Variants in CATSPERE observed in about 807,000 individuals in gnomAD.
CATSPERE encodes catsper channel auxiliary subunit epsilon.
Under a neutral mutation model 114.1 loss-of-function variants are expected in CATSPERE, and 93 were observed. The observed-to-expected ratio is 0.81, with a 90% confidence interval of 0.69 to 0.97. The LOEUF is 0.97. CATSPERE is among the 50% of genes least tolerant of loss of function. The probability of loss-of-function intolerance (pLI) is 0.00; values close to 1 mark genes in which losing one functional copy is unlikely to be tolerated. For synonymous variants in CATSPERE, 341 were observed against 384.1 expected (o/e 0.89, Z 1.31); for missense variants, 1,058 against 1,131.6 (o/e 0.93, Z 0.93).
At chr1:244,612,027 G>A (rs1432884485) in intron 19 of CATSPERE, among the ~76,000 whole-genome samples, 1 of 152,164 alleles carries the variant, frequency 6.6e-6, no homozygotes, top group Non-Finnish European at 1.5e-5. Flanking sequence ...ATGCTGATCT[G>A]GGGACTGCGT....
At chr1:244,534,575 A>G (rs1680091423) in intron 8 of CATSPERE, among the ~76,000 whole-genome samples, 1 of 152,004 alleles carries the variant, frequency 6.6e-6, no homozygotes, top group Admixed American at 6.6e-5. Context: ...ATTCTTCATT[A>G]TGTCGATTGC....
intron 19 of CATSPERE, among the ~76,000 whole-genome samples, chr1:244,612,898 A>G (rs1670923239): frequency 6.6e-6 from 1 of 152,170 alleles, no homozygotes; most frequent in East Asian, 1.9e-4. Context: ...GGGAGAAGAA[A>G]CAATAATGGC....
At chr1:244,462,053 G>A (rs1666905363) in intron 1 of CATSPERE, among the ~76,000 whole-genome samples, 1 of 152,142 alleles carries the variant, frequency 6.6e-6, no homozygotes, top group African/African-American at 2.4e-5. Context: ...CTGGCCTTAA[G>A]TGATCCTCCT....
At chr1:244,535,515 CGGAGTCTT>C (rs1680258815) in intron 8 of CATSPERE, among the ~76,000 whole-genome samples, 1 of 152,024 alleles carries the variant, frequency 6.6e-6, no homozygotes, top group Admixed American at 6.6e-5. Flanking sequence ...TCACAGACAG[CGGAGTCTT>C]TCCCTGTGGC....
chr1:244,540,234 G>A (rs1450857518), intron 8 of CATSPERE, among the ~76,000 whole-genome samples: 3 of 150,960 alleles, frequency 2.0e-5, no homozygotes, highest in Non-Finnish European at 4.4e-5. Flanking sequence ...GTTTGCAGAC[G>A]ACATGATTGT....
At chr1:244,539,218 C>G (rs1680841502) in intron 8 of CATSPERE, among the ~76,000 whole-genome samples, 1 of 151,000 alleles carries the variant, frequency 6.6e-6, no homozygotes, top group Non-Finnish European at 1.5e-5. Context: ...TTTTCTGCAT[C>G]TATTGAGATA....
At chr1:244,558,493 C>G (rs1042441602) in intron 9 of CATSPERE, among the ~76,000 whole-genome samples, 1 of 152,046 alleles carries the variant, frequency 6.6e-6, no homozygotes, top group African/African-American at 2.4e-5. Context: ...TGTTGCCCAT[C>G]TTTTCCACTG....
At chr1:244,580,772 A>C (rs1666044997) in intron 11 of CATSPERE, among the ~76,000 whole-genome samples, 2 of 152,072 alleles carry the variant, frequency 1.3e-5, no homozygotes, top group South Asian at 4.1e-4. Context: ...AGGCCGAGGC[A>C]GGTGGATCGC....
At chr1:244,527,350 T>C (rs1326902363) in intron 8 of CATSPERE, among the ~76,000 whole-genome samples, 1 of 152,206 alleles carries the variant, frequency 6.6e-6, no homozygotes, top group East Asian at 1.9e-4. Context: ...AGAAAAAGAA[T>C]TCAGCGATAT....
intron 8 of CATSPERE, among the ~76,000 whole-genome samples, chr1:244,523,716 A>G (rs1300379973): frequency 1.2e-4 from 17 of 136,392 alleles, no homozygotes; most frequent in Non-Finnish European, 1.8e-4. Flanking sequence ...GAGCCAAATC[A>G]TGAGTGAACT....
chr1:244,615,258 G>T (rs916113086), intron 19 of CATSPERE, among the ~76,000 whole-genome samples: 1 of 131,514 alleles, frequency 7.6e-6, no homozygotes. Flanking sequence ...AAAAAAAAAA[G>T]ACAAATATCC....
intron 20 of CATSPERE, among the ~76,000 whole-genome samples, chr1:244,632,532 T>C (rs550194624): frequency 2.3e-4 from 35 of 152,074 alleles, no homozygotes; most frequent in African/African-American, 8.2e-4. Context: ...TGTTTTAAGA[T>C]TCTTATACTT....
chr1:244,510,899 A>C (rs1289054963), intron 7 of CATSPERE, among the ~76,000 whole-genome samples: 9 of 128,866 alleles, frequency 7.0e-5, no homozygotes, highest in African/African-American at 2.7e-4. Flanking sequence ...GCTGGAGTGC[A>C]ATGGCACCAT....
At chr1:244,537,625 G>T (rs1680567508) in intron 8 of CATSPERE, among the ~76,000 whole-genome samples, 1 of 152,124 alleles carries the variant, frequency 6.6e-6, no homozygotes, top group African/African-American at 2.4e-5. Flanking sequence ...TGTTTTGGAA[G>T]ATTATTAATT....
upstream of CATSPERE, chr1:244,452,238 G>A (rs1413231239): frequency 3.2e-5 from 5 of 157,634 alleles, no homozygotes; most frequent in Non-Finnish European, 5.6e-5. Flanking sequence ...CTGGAGAGGC[G>A]CGGAAGCGCG....
chr1:244,581,844 T>G lies in CATSPERE; in HGVS notation c.1999T>G (p.Phe667Val). ...NVDYERISDYFETQDKHTGLV... is the reference protein window; with the variant it reads ...NVDYERISDYVETQDKHTGLV... ...AGATTATGAGAGAATATCTGATTAC[T>G]TTGAGACACAGTAAGTATAACTTTT... is the stretch of plus-strand genomic sequence containing the variant. The change falls in exon 12 of 22, where the codon TTT (phenylalanine) becomes GTT (valine). Residue 667 changes from phenylalanine to valine, a missense_variant. Coordinates refer to ENST00000366534, the MANE Select transcript of CATSPERE (RefSeq NM_001130957.2). 1 of 1,309,854 alleles carries G rather than the reference T, an allele frequency of 7.6e-7. No homozygotes were observed. The highest frequency in any genetic ancestry group is 1.3e-5 in the South Asian group (1 of 78,792). 81.1% of individuals were successfully genotyped at this position (1,309,854 alleles called of 1,614,324 possible). A position where few individuals can be genotyped will look rare whatever the true frequency, so the allele number is the denominator to read the frequency against.
At chr1:244,498,513 C>T (rs1484494077) in intron 6 of CATSPERE, among the ~76,000 whole-genome samples, 1 of 152,090 alleles carries the variant, frequency 6.6e-6, no homozygotes, top group Admixed American at 6.6e-5. Context: ...GAACTCTCAT[C>T]AAGTGACAAA....
chr1:244,485,471 G>C (rs545211367), intron 5 of CATSPERE, among the ~76,000 whole-genome samples: 1 of 152,070 alleles, frequency 6.6e-6, no homozygotes, highest in East Asian at 1.9e-4. Flanking sequence ...ATGAGTGGCT[G>C]TGCCTGGCCT....
intron 2 of CATSPERE, among the ~76,000 whole-genome samples, chr1:244,475,971 A>G (rs1237719446): frequency 5.3e-5 from 8 of 152,172 alleles, no homozygotes; most frequent in Non-Finnish European, 1.0e-4. Flanking sequence ...CAAATATCTT[A>G]GGATTTTTTT....
Sources: allele counts gnomAD v4.1 joint callset (sites outside exome capture counted in the v4.1 genomes callset), GRCh38; gene constraint gnomAD v4.1.1; transcripts MANE v1.5; gene names NCBI Gene and HGNC (gene_info 2026-07-23, HGNC 2026-07-21).